Variants in SMCHD1 observed in about 807,000 individuals in gnomAD.
SMCHD1 encodes structural maintenance of chromosomes flexible hinge domain-containing protein 1.
In SMCHD1, 78 loss-of-function variants were observed where a neutral mutation model predicts 254.7. The observed-to-expected ratio is 0.31, with a 90% CI of 0.26 to 0.37. The LOEUF (loss-of-function observed/expected upper bound fraction) is 0.37. Among genes scored for constraint, SMCHD1 ranks in the 10% least tolerant of loss-of-function variants. The pLI, the probability that SMCHD1 is intolerant of heterozygous loss-of-function variation, is 1.00. For synonymous variants in SMCHD1, 766 were observed against 794.9 expected, an observed-to-expected ratio of 0.96 and a Z score of 0.61; for missense variants, 1,840 against 2,408.1, an observed-to-expected ratio of 0.76 and a Z score of 4.94.
intron 15 of SMCHD1, among the ~76,000 whole-genome samples, chr18:2,706,955 G>T (rs780536578): frequency 4.6e-5 from 7 of 152,092 alleles, no homozygotes; most frequent in Non-Finnish European, 1.0e-4. Flanking sequence ...TCTTACATGG[G>T]CGGCAGAAGA....
At chr18:2,662,957 C>T (rs189335523) in intron 1 of SMCHD1, among the ~76,000 whole-genome samples, 31 of 152,104 alleles carry the variant, frequency 2.0e-4, no homozygotes, top group African/African-American at 7.2e-4. Context: ...GTGTAAGGTA[C>T]CTATTTCTCT....
At chr18:2,712,292 A>G (rs1018803587) in intron 17 of SMCHD1, among the ~76,000 whole-genome samples, 1 of 151,590 alleles carries the variant, frequency 6.6e-6, no homozygotes, top group African/African-American at 2.4e-5. Flanking sequence ...ACCTCAAAGA[A>G]TGAATGAGTT....
intron 5 of SMCHD1, among the ~76,000 whole-genome samples, chr18:2,674,585 T>C (rs550997737): frequency 5.3e-5 from 8 of 152,350 alleles, no homozygotes; most frequent in African/African-American, 1.9e-4. Context: ...AGTGGAGTTA[T>C]ATATCAGAAT....
In SMCHD1 at chr18:2,747,664, CT is replaced by C; in HGVS notation, c.3927+19del. ...AATTTAAAGGTAAGTTTTAAACTTCCTTACATCTTCATTTAAAATTCTGGAT... is the reference window on the plus strand; with the variant it reads ...AATTTAAAGGTAAGTTTTAAACTTCCTACATCTTCATTTAAAATTCTGGAT... On this transcript the variant is annotated intron_variant, in intron 30 of 47. Transcript: ENST00000320876. The C allele has an allele frequency of 6.6e-7, 1 of 1,512,506 alleles. No individual in the cohort carries two copies. 93.7% of individuals were successfully genotyped at this position (1,512,506 alleles called of 1,614,324 possible). A position where few individuals can be genotyped will look rare whatever the true frequency, so the allele number is the denominator to read the frequency against.
chr18:2,684,505 G>A (rs1307146158), intron 5 of SMCHD1, among the ~76,000 whole-genome samples: 1 of 151,968 alleles, frequency 6.6e-6, no homozygotes, highest in Admixed American at 6.6e-5. Context: ...TTTAAAGAGG[G>A]TTTCTTTTAC....
intron 7 of SMCHD1, among the ~76,000 whole-genome samples, chr18:2,693,707 C>G (rs1188068143): frequency 6.6e-6 from 1 of 152,226 alleles, no homozygotes; most frequent in African/African-American, 2.4e-5. Context: ...TCTTGGCTCA[C>G]TGCAACCTCA....
In SMCHD1 at chr18:2,803,712, A is replaced by T. The variant is rs2076403480; in HGVS notation, c.*1160A>T. On this transcript the variant is annotated 3_prime_UTR_variant, in exon 48 of 48. Coordinates refer to ENST00000320876, the MANE Select transcript of SMCHD1 (RefSeq NM_015295.3). ...AACCTATCTATCTTTATAATTGGAA[A>T]TTATTTAAACTGTTTGTTGTTACAG... 6.6e-6 allele frequency: 1 copy of T among 151,892 alleles called. No homozygotes were observed. Among genetic ancestry groups the T allele is most frequent in the Non-Finnish European group, 1.5e-5 (1 of 68,024 alleles). 9.4% of individuals were successfully genotyped at this position (151,892 alleles called of 1,614,324 possible).
intron 5 of SMCHD1, among the ~76,000 whole-genome samples, chr18:2,687,878 A>C (rs73382134): frequency 0.057 from 8,637 of 152,160 alleles, 792 homozygotes; most frequent in African/African-American, 0.2. Context: ...ATTTCTGATA[A>C]TGGGGGATGA....
chr18:2,658,027 A>G (rs1403720082), intron 1 of SMCHD1, among the ~76,000 whole-genome samples: 1 of 151,936 alleles, frequency 6.6e-6, no homozygotes, highest in East Asian at 1.9e-4. Context: ...TCCTGGGCTC[A>G]AGAGATCCAC....
intron 34 of SMCHD1, among the ~76,000 whole-genome samples, chr18:2,757,468 G>C (rs907321580): frequency 6.6e-6 from 1 of 152,028 alleles, no homozygotes; most frequent in Non-Finnish European, 1.5e-5. Context: ...TCTCACTGCA[G>C]CTTCCCAAAG....
At chr18:2,695,309 A>ATT (rs35253416) in intron 8 of SMCHD1, among the ~76,000 whole-genome samples, 13 of 140,742 alleles carry the variant, frequency 9.2e-5, no homozygotes, top group Admixed American at 1.4e-4. Context: ...CTAAAAAAAA[A>ATT]TTTTTTTTTT....
At chr18:2,666,322 A>C (rs2073436345) in intron 2 of SMCHD1, 90 bp downstream of exon 2, 4 of 607,714 alleles carry the variant, frequency 6.6e-6, no homozygotes, top group African/African-American at 3.8e-5. Flanking sequence ...TATGCATCTA[A>C]ATCTGTTGAT....
chr18:2,684,969 C>T (rs115720731), intron 5 of SMCHD1, among the ~76,000 whole-genome samples: 1,655 of 151,918 alleles, frequency 0.011, 26 homozygotes, highest in African/African-American at 0.034. Context: ...TGTTATTTAG[C>T]TTTAAATATT....
chr18:2,673,400 C>A, intron 4 of SMCHD1, 37 bp downstream of exon 4: 1 of 1,355,292 alleles, frequency 7.4e-7, no homozygotes. Context: ...TTAACTTTTC[C>A]TTTTGTAAGA....
At chr18:2,679,480 CAA>C (rs59034633) in intron 5 of SMCHD1, among the ~76,000 whole-genome samples, 7,784 of 58,746 alleles carry the variant, frequency 0.13, 933 homozygotes, top group African/African-American at 0.3. Context: ...ACTCCATCTC[CAA>C]AAAAAAAAAA....
chr18:2,729,914 G>C (rs937660717), intron 24 of SMCHD1, among the ~76,000 whole-genome samples: 3 of 152,102 alleles, frequency 2.0e-5, no homozygotes, highest in South Asian at 2.1e-4. Context: ...GGGTCTTGCT[G>C]TGTTGCCCAG....
intron 7 of SMCHD1, among the ~76,000 whole-genome samples, chr18:2,690,539 T>G (rs2074151362): frequency 6.6e-6 from 1 of 151,808 alleles, no homozygotes; most frequent in South Asian, 2.1e-4. Flanking sequence ...TGGCATGATC[T>G]CAGCTCACTG....
intron 33 of SMCHD1, 93 bp from the exon 34 acceptor site, chr18:2,752,395 C>T: frequency 1.3e-6 from 1 of 759,226 alleles, no homozygotes; most frequent in East Asian, 2.6e-5. Context: ...GATACACATT[C>T]AGTTTAGGTA....
At chr18:2,797,467 G>T (rs2076283037) in intron 47 of SMCHD1, among the ~76,000 whole-genome samples, 2 of 152,260 alleles carry the variant, frequency 1.3e-5, no homozygotes, top group Non-Finnish European at 2.9e-5. Context: ...TTTGGAATTG[G>T]TATTCTTTGC....
Sources: allele counts gnomAD v4.1 joint callset (sites outside exome capture counted in the v4.1 genomes callset), GRCh38; gene constraint gnomAD v4.1.1; transcripts MANE v1.5; gene names NCBI Gene and HGNC (gene_info 2026-07-23, HGNC 2026-07-21).